The following LEPR variants were observed in gnomAD, a reference collection of about 807,000 sequenced individuals.
LEPR encodes the protein OB receptor.
In LEPR, 56 loss-of-function variants were observed where a neutral mutation model predicts 114.7. The ratio of observed to expected loss-of-function variants is 0.49; its 90% CI spans 0.39 to 0.61. LEPR has a LOEUF of 0.61. Ranked by LOEUF, LEPR falls within the 20% of genes least tolerant of loss-of-function variation. The probability of loss-of-function intolerance (pLI) is 0.00; values close to 1 mark genes in which losing one functional copy is unlikely to be tolerated. For missense variants in LEPR, 1,202 were observed against 1,352.9 expected (o/e 0.89, Z 1.75); for synonymous variants, 443 against 461.4 (o/e 0.96, Z 0.51).
chr1:65,443,900 C>T (rs1466031630), intron 2 of LEPR, among the ~76,000 whole-genome samples: 2 of 151,336 alleles, frequency 1.3e-5, no homozygotes, highest in Non-Finnish European at 2.9e-5. Flanking sequence ...GTCCACCTAT[C>T]TGGATCAGGA....
At chr1:65,623,712 C>G (rs1658021528) in intron 19 of LEPR, among the ~76,000 whole-genome samples, 1 of 148,478 alleles carries the variant, frequency 6.7e-6, no homozygotes, top group Non-Finnish European at 1.5e-5. Context: ...GTGATTGCAT[C>G]TTTATCATTA....
intron 2 of LEPR, among the ~76,000 whole-genome samples, chr1:65,538,471 C>T (rs990221087): frequency 6.6e-6 from 1 of 152,058 alleles, no homozygotes; most frequent in African/African-American, 2.4e-5. Flanking sequence ...GTTTTCTCCT[C>T]ATTTTGCTGG....
chr1:65,513,929 G>A (rs1197675260), intron 2 of LEPR, among the ~76,000 whole-genome samples: 1 of 152,106 alleles, frequency 6.6e-6, no homozygotes, highest in Non-Finnish European at 1.5e-5. Context: ...GGATAATTTT[G>A]TAGTTTTTCT....
At chr1:65,538,142 C>G (rs1029536958) in intron 2 of LEPR, among the ~76,000 whole-genome samples, 7 of 151,736 alleles carry the variant, frequency 4.6e-5, no homozygotes, top group Non-Finnish European at 1.0e-4. Flanking sequence ...TTTTTACTTT[C>G]TTTATTTTTT....
intron 2 of LEPR, among the ~76,000 whole-genome samples, chr1:65,472,942 G>C (rs1647106542): frequency 1.3e-5 from 2 of 152,086 alleles, no homozygotes; most frequent in Non-Finnish European, 2.9e-5. Context: ...ATCTAATGCA[G>C]TGCAGTATTC....
At position 65,570,517 on chromosome 1, in the gene LEPR, A is replaced by C. The variant is rs749087675; in HGVS notation, c.85A>C (p.Thr29Pro). Reference sequence around the variant, plus strand: ...TGCGTTTAACTTGTCATATCCAATTACTCCTTGGAGATTTAAGTTGTCTTG... The same window carrying C: ...TGCGTTTAACTTGTCATATCCAATTCCTCCTTGGAGATTTAAGTTGTCTTG... ...ITAFNLSYPI[T>P]PWRFKLSCMP... Residue 29 changes from threonine (T) to proline (P), a missense_variant, in exon 4 of 20, where the codon ACT becomes CCT. Physicochemically the swap from Thr to Pro is conservative, Grantham distance 38. Transcript: ENST00000349533. 6.2e-7 allele frequency: 1 copy of C among 1,613,898 alleles called. No homozygotes were observed. The highest frequency in any genetic ancestry group is 8.5e-7 in the Non-Finnish European group (1 of 1,179,930).
At chr1:65,497,997 T>C (rs1422916929) in intron 2 of LEPR, among the ~76,000 whole-genome samples, 2 of 152,152 alleles carry the variant, frequency 1.3e-5, no homozygotes, top group Non-Finnish European at 2.9e-5. Context: ...GAAAACATCT[T>C]AGTGCGTTAC....
At chr1:65,537,617 A>G (rs896087723) in intron 2 of LEPR, among the ~76,000 whole-genome samples, 3 of 152,070 alleles carry the variant, frequency 2.0e-5, no homozygotes, top group African/African-American at 4.8e-5. Context: ...TATTTGTTCC[A>G]TTAACTACAG....
chr1:65,605,395 G>A (rs1308149670), intron 11 of LEPR, among the ~76,000 whole-genome samples, 158 bp downstream of exon 11: 2 of 152,138 alleles, frequency 1.3e-5, no homozygotes, highest in East Asian at 3.9e-4. Context: ...GCCTTAGGAA[G>A]TTTTACAGTT....
At chr1:65,499,772 A>C (rs1368985685) in intron 2 of LEPR, among the ~76,000 whole-genome samples, 1 of 152,060 alleles carries the variant, frequency 6.6e-6, no homozygotes, top group Non-Finnish European at 1.5e-5. Flanking sequence ...CAGCTCATCG[A>C]TGTTTGTTTA....
At chr1:65,581,747 G>A (rs567412300) in intron 5 of LEPR, among the ~76,000 whole-genome samples, 2 of 152,118 alleles carry the variant, frequency 1.3e-5, no homozygotes, top group African/African-American at 2.4e-5. Context: ...TTTCTTCAAT[G>A]TATATCTCTC....
At chr1:65,530,159 C>T (rs1650283187) in intron 2 of LEPR, among the ~76,000 whole-genome samples, 1 of 152,210 alleles carries the variant, frequency 6.6e-6, no homozygotes, top group African/African-American at 2.4e-5. Context: ...TGCAGTCTTC[C>T]TCATCTCCAT....
At chr1:65,458,802 T>C (rs767622893) in intron 2 of LEPR, among the ~76,000 whole-genome samples, 1 of 152,218 alleles carries the variant, frequency 6.6e-6, no homozygotes, top group Non-Finnish European at 1.5e-5. Context: ...TCTCCTCCTT[T>C]TGTTAGTCCC....
Position 65,596,551 on chromosome 1 carries a change from T to C in LEPR, c.807T>C (p.Tyr269=). ...SPPLVPFPLQ[Y]QVKYSENSTT... is the part of the protein sequence containing the mutation. ...CATTGGTACCATTTCCACTTCAATATCAAGTGAAATATTCAGAGAATTCTA... is the reference window on the plus strand; with the variant it reads ...CATTGGTACCATTTCCACTTCAATACCAAGTGAAATATTCAGAGAATTCTA... The change falls in exon 7 of 20, where the codon TAT becomes TAC. Residue 269 remains tyrosine, a synonymous_variant. Coordinates refer to ENST00000349533, the MANE Select transcript of LEPR (RefSeq NM_002303.6). 1 of 1,612,608 alleles carries C rather than the reference T, an allele frequency of 6.2e-7. No individual in the cohort carries two copies. Among genetic ancestry groups the C allele is most frequent in the Non-Finnish European group, 8.5e-7 (1 of 1,179,096 alleles).
intron 2 of LEPR, among the ~76,000 whole-genome samples, chr1:65,465,790 T>C (rs550809705): frequency 2.6e-5 from 4 of 152,328 alleles, no homozygotes; most frequent in Admixed American, 1.3e-4. Flanking sequence ...TGGCCTTCTT[T>C]GCCTCTTTTG....
At chr1:65,556,851 G>C (rs1450600099) in intron 2 of LEPR, among the ~76,000 whole-genome samples, 1 of 152,144 alleles carries the variant, frequency 6.6e-6, no homozygotes, top group East Asian at 1.9e-4. Flanking sequence ...ACAAGTGACA[G>C]GAGAGGGCTG....
At chr1:65,591,043 T>C (rs1655661374) in intron 5 of LEPR, among the ~76,000 whole-genome samples, 1 of 152,144 alleles carries the variant, frequency 6.6e-6, no homozygotes, top group Admixed American at 6.5e-5. Flanking sequence ...GAATATGTTG[T>C]ATTTTAATTT....
At position 65,423,240 on chromosome 1, in the gene LEPR, C is replaced by T. The variant is rs537982590; in HGVS notation, c.-96-2063C>T. On this transcript the variant is annotated intron_variant, in intron 1 of 19. Transcript: ENST00000349533. ...CTGGAGCATCAGTTGCGGCCGGGCC[C>T]TTGTGGTAGTAGGAGCTTTGGGTTG... 1.2e-4 allele frequency among the ~76,000 whole-genome samples: 19 copies of T among 152,124 alleles called. No homozygotes were observed. In the Middle Eastern group the frequency reaches 0.01, roughly 82 times the overall value.
intron 2 of LEPR, 21 bp downstream of exon 2, chr1:65,425,399 G>T (rs1188259997): frequency 1.3e-6 from 2 of 1,576,306 alleles, no homozygotes. Context: ...ATTTCAAAAA[G>T]AACTATTCCT....
Sources: gnomAD v4.1 joint callset for allele counts (sites outside exome capture counted in the v4.1 genomes callset) on GRCh38, gnomAD v4.1.1 for gene constraint, MANE v1.5 for transcripts, NCBI Gene and HGNC (gene_info 2026-07-23, HGNC 2026-07-21) for gene names.